Variants in TIGAR observed in about 807,000 individuals in gnomAD.
TIGAR encodes fructose-2,6-bisphosphatase TIGAR.
A neutral mutation model predicts 17.9 loss-of-function variants in TIGAR; 7 were observed. That is an observed-to-expected ratio of 0.39 (90% CI 0.22 to 0.73). The LOEUF is 0.73. Among genes scored for constraint, TIGAR ranks in the 30% least tolerant of loss-of-function variants. The probability of loss-of-function intolerance (pLI) is 0.42; values close to 1 mark genes in which losing one functional copy is unlikely to be tolerated. For synonymous variants in TIGAR, 94 were observed against 108.6 expected (o/e 0.87, Z 0.84); for missense variants, 258 against 327.4 (o/e 0.79, Z 1.64).
chr12:4,341,976 T>C (rs1171935857), intron 3 of TIGAR, among the ~76,000 whole-genome samples: 1 of 152,104 alleles, frequency 6.6e-6, no homozygotes. Flanking sequence ...GCAAAGAAGT[T>C]AAAAACCTTG....
chr12:4,330,743 T>C (rs545227390), intron 1 of TIGAR, among the ~76,000 whole-genome samples: 1 of 152,340 alleles, frequency 6.6e-6, no homozygotes, highest in South Asian at 2.1e-4. Context: ...CAGTTCAGTG[T>C]GCAGTTAGTT....
At chr12:4,324,576 C>T (rs969827463) in intron 1 of TIGAR, 5 of 1,602,700 alleles carry the variant, frequency 3.1e-6, no homozygotes, top group Admixed American at 1.7e-5. Context: ...CCCGCAGGTG[C>T]GTCTTCACCA....
intron 1 of TIGAR, among the ~76,000 whole-genome samples, chr12:4,329,598 A>G (rs975200658): frequency 9.2e-5 from 14 of 152,070 alleles, no homozygotes; most frequent in African/African-American, 2.9e-4. Context: ...CGGACTCCCA[A>G]TGTGCTGGAA....
chr12:4,336,899 C>A, intron 2 of TIGAR, 140 bp from the exon 3 acceptor site: 2 of 1,009,580 alleles, frequency 2.0e-6, no homozygotes, highest in Admixed American at 3.5e-5. Flanking sequence ...TAATAACTCC[C>A]TGAAAAGTTA....
chr12:4,351,460 G>C, intron 5 of TIGAR, 83 bp downstream of exon 5: 1 of 1,067,668 alleles, frequency 9.4e-7, no homozygotes, highest in Non-Finnish European at 1.4e-6. Context: ...CAGTTTGAAA[G>C]TTGCTTGGTT....
intron 2 of TIGAR, 103 bp from the exon 3 acceptor site, chr12:4,336,936 C>G: frequency 1.5e-6 from 2 of 1,293,878 alleles, no homozygotes; most frequent in Non-Finnish European, 2.0e-6. Flanking sequence ...AAAAATCTTT[C>G]ATTAAAATTT....
intron 5 of TIGAR, 98 bp from the exon 6 acceptor site, chr12:4,352,162 C>T (rs755329039): frequency 1.0e-5 from 10 of 991,426 alleles, no homozygotes; most frequent in Non-Finnish European, 1.5e-5. Context: ...ACTTGGCATT[C>T]AATATTAGAA....
chr12:4,333,141 A>G (rs1047459465), intron 2 of TIGAR, among the ~76,000 whole-genome samples: 3 of 152,206 alleles, frequency 2.0e-5, no homozygotes, highest in Admixed American at 2.0e-4. Context: ...TGACAGTAAT[A>G]TAGCTACTTG....
At chr12:4,332,238 C>T (rs200102412) in intron 2 of TIGAR, among the ~76,000 whole-genome samples, 76 of 95,248 alleles carry the variant, frequency 8.0e-4, no homozygotes, top group Admixed American at 8.6e-4. Context: ...TCATGTATTT[C>T]TTTTTTTTTT....
Position 4,356,085 on chromosome 12 carries a change from G to C in TIGAR, c.*3394G>C, listed in dbSNP as rs1460276371. 6.6e-6 allele frequency among the ~76,000 whole-genome samples: 1 copy of C among 152,202 alleles called. No individual in the cohort carries two copies. The highest frequency in any genetic ancestry group is 1.5e-5 in the Non-Finnish European group (1 of 68,038). On this transcript the variant is annotated 3_prime_UTR_variant, in exon 6 of 6. Coordinates refer to ENST00000179259, the MANE Select transcript of TIGAR (RefSeq NM_020375.3). Reference sequence around the variant, plus strand: ...CAGTGATGTGATCAGACTTGTTTCAGCAGGACCATCCTGCTTGCAATGTGG... The same window carrying C: ...CAGTGATGTGATCAGACTTGTTTCACCAGGACCATCCTGCTTGCAATGTGG...
Position 4,321,419 on chromosome 12 carries a change from G to A in TIGAR, c.32+116G>A. ...CCTCCCTGCTCGCTCCAGCCCGGGA[G>A]GGCTGGCTTGGAAGCGCTTTTTCCG... is the stretch of plus-strand genomic sequence containing the variant. On this transcript the variant is annotated intron_variant, in intron 1 of 5. Transcript: ENST00000179259. The surrounding 1 kb of genome is among the most constrained non-coding windows in gnomAD (Gnocchi z 5.2). 2 of 1,476,320 alleles carry A rather than the reference G, an allele frequency of 1.4e-6. No homozygotes were observed. The highest frequency in any genetic ancestry group is 2.4e-5 in the South Asian group (2 of 84,388). The allele number at this position is 1,476,320 out of a possible 1,614,324, so 91.5% of individuals were successfully genotyped here.
chr12:4,331,407 G>T, intron 2 of TIGAR, 90 bp downstream of exon 2: 1 of 1,180,544 alleles, frequency 8.5e-7, no homozygotes, highest in South Asian at 1.2e-5. Flanking sequence ...GGGTAGACTG[G>T]GGGCAGCACT....
chr12:4,349,961 C>T, intron 4 of TIGAR, 65 bp downstream of exon 4: 1 of 1,184,520 alleles, frequency 8.4e-7, no homozygotes. Flanking sequence ...CAGTTTGTCA[C>T]TTGGCTAAAA....
intron 1 of TIGAR, among the ~76,000 whole-genome samples, chr12:4,325,253 G>T (rs1864532087): frequency 7.3e-6 from 1 of 136,982 alleles, no homozygotes; most frequent in Admixed American, 7.8e-5. Flanking sequence ...AATTAGTAAA[G>T]TTACTGATAG....
chr12:4,322,592 A>T (rs1864492758), intron 1 of TIGAR, among the ~76,000 whole-genome samples: 1 of 152,242 alleles, frequency 6.6e-6, no homozygotes, highest in Non-Finnish European at 1.5e-5. Context: ...AGTAGACTGG[A>T]TCATACAGAT....
rs1864853479 is a variant in TIGAR at position 4,352,973 on chromosome 12, G to A, written c.*282G>A. On this transcript the variant is annotated 3_prime_UTR_variant, in exon 6 of 6. Transcript: ENST00000179259. ...GAAGGAACTCAGCATTGAAAGTTGG[G>A]GGATTAGTAACCTTGTTACAACGGT... is the stretch of plus-strand genomic sequence containing the variant. The A allele has an allele frequency of 2.7e-6, 1 of 370,714 alleles. No homozygotes were observed. The highest frequency in any genetic ancestry group is 4.9e-6 in the Non-Finnish European group (1 of 206,000). The allele number at this position is 370,714 out of a possible 1,614,324, so 23.0% of individuals were successfully genotyped here.
intron 4 of TIGAR, 143 bp from the exon 5 acceptor site, chr12:4,351,124 T>G: frequency 1.5e-6 from 1 of 672,930 alleles, no homozygotes; most frequent in Non-Finnish European, 2.5e-6. Flanking sequence ...ATTCTCATTA[T>G]CAGTTCAGAG....
At chr12:4,336,165 G>C (rs1864655718) in intron 2 of TIGAR, among the ~76,000 whole-genome samples, 2 of 152,172 alleles carry the variant, frequency 1.3e-5, no homozygotes, top group Admixed American at 1.3e-4. Context: ...CCTCTTTTGA[G>C]AATGCTTTGC....
intron 3 of TIGAR, among the ~76,000 whole-genome samples, chr12:4,342,844 G>A (rs1399750702): frequency 6.6e-6 from 1 of 152,064 alleles, no homozygotes; most frequent in Non-Finnish European, 1.5e-5. Context: ...AGCAAAATAA[G>A]CAGCTAACAT....
Sources: allele counts gnomAD v4.1 joint callset (sites outside exome capture counted in the v4.1 genomes callset), GRCh38; gene constraint gnomAD v4.1.1; non-coding constraint Gnocchi (gnomAD v3.1); transcripts MANE v1.5; gene names NCBI Gene and HGNC (gene_info 2026-07-23, HGNC 2026-07-21).